Variants in PITPNC1 observed in about 807,000 individuals in gnomAD.
PITPNC1 encodes cytoplasmic phosphatidylinositol transfer protein 1.
Under a neutral mutation model 44.7 loss-of-function variants are expected in PITPNC1, and 18 were observed. The ratio of observed to expected loss-of-function variants is 0.40; its 90% CI spans 0.28 to 0.60. The LOEUF is 0.60. PITPNC1 is among the 20% of genes least tolerant of loss of function. PITPNC1 has a pLI of 0.39. For synonymous variants in PITPNC1, 141 were observed against 149.6 expected (o/e 0.94, Z 0.42); for missense variants, 290 against 418.4 (o/e 0.69, Z 2.68).
chr17:67,628,724 G>A (rs927553884), intron 5 of PITPNC1, among the ~76,000 whole-genome samples: 3 of 152,170 alleles, frequency 2.0e-5, no homozygotes, highest in Admixed American at 6.5e-5. Context: ...CCAGTGCAAG[G>A]CCTGCAGCAC....
intron 1 of PITPNC1, among the ~76,000 whole-genome samples, chr17:67,473,274 G>T (rs931857918): frequency 6.6e-6 from 1 of 151,888 alleles, no homozygotes; most frequent in East Asian, 1.9e-4. Context: ...GGCTCAAGCT[G>T]TCTACCCACC....
chr17:67,620,456 A>G (rs2041815022), intron 5 of PITPNC1, among the ~76,000 whole-genome samples: 1 of 152,192 alleles, frequency 6.6e-6, no homozygotes. Context: ...ACAGCAAGCC[A>G]GTCTCGCGGA....
chr17:67,403,178 T>A (rs2038345976), intron 1 of PITPNC1, among the ~76,000 whole-genome samples: 1 of 125,714 alleles, frequency 8.0e-6, no homozygotes, highest in African/African-American at 3.1e-5. Flanking sequence ...AGTCCAGGAG[T>A]TGGAGACTAG....
At chr17:67,632,019 A>T in intron 5 of PITPNC1, 124 bp from the exon 6 acceptor site, 1 of 626,262 alleles carries the variant, frequency 1.6e-6, no homozygotes, top group Non-Finnish European at 2.9e-6. Context: ...GAGGCTGGTG[A>T]AAGCACTAGC....
At chr17:67,628,699 AGTC>A (rs1292788437) in intron 5 of PITPNC1, among the ~76,000 whole-genome samples, 1 of 152,212 alleles carries the variant, frequency 6.6e-6, no homozygotes, top group African/African-American at 2.4e-5. Flanking sequence ...GTGGAGAGAG[AGTC>A]GGGGCACGCT....
intron 1 of PITPNC1, among the ~76,000 whole-genome samples, chr17:67,415,207 G>T (rs1031200790): frequency 2.0e-5 from 3 of 152,122 alleles, no homozygotes; most frequent in Non-Finnish European, 2.9e-5. Context: ...GATCTGTTAT[G>T]CTGTTTGTTG....
intron 2 of PITPNC1, among the ~76,000 whole-genome samples, chr17:67,552,015 A>G (rs2040770548): frequency 6.6e-6 from 1 of 152,240 alleles, no homozygotes; most frequent in South Asian, 2.1e-4. Flanking sequence ...ACAGGCTGAC[A>G]GTCTGATGGA....
chr17:67,643,455 A>T (rs2042112649), intron 6 of PITPNC1, among the ~76,000 whole-genome samples: 1 of 152,204 alleles, frequency 6.6e-6, no homozygotes, highest in Admixed American at 6.5e-5. Flanking sequence ...GGAACAGACC[A>T]GGGAGGGAAG....
At chr17:67,548,451 C>T (rs193048997) in intron 2 of PITPNC1, among the ~76,000 whole-genome samples, 36 of 152,066 alleles carry the variant, frequency 2.4e-4, no homozygotes, top group Admixed American at 7.2e-4. Context: ...ATAAGCCTGG[C>T]GTGGTGGCAT....
chr17:67,517,094 C>G (rs558016917), intron 1 of PITPNC1, among the ~76,000 whole-genome samples: 3 of 152,206 alleles, frequency 2.0e-5, no homozygotes, highest in Non-Finnish European at 4.4e-5. Flanking sequence ...TTCAGCTCTT[C>G]ATTGTCCTTG....
intron 1 of PITPNC1, among the ~76,000 whole-genome samples, chr17:67,407,858 G>A (rs897455732): frequency 6.6e-6 from 1 of 152,112 alleles, no homozygotes; most frequent in Admixed American, 6.5e-5. Flanking sequence ...GATAGGCAAT[G>A]TGCTGATGTC....
At position 67,682,760 on chromosome 17, in the gene PITPNC1, T is replaced by C. The variant is rs1252084987; in HGVS notation, c.682+7218T>C. ...ATTGCTGGCTTAAGGAGTCTTTATG[T>C]AGGAAACCTTATTTAGGAAGAGTAA... On this transcript the variant is annotated intron_variant, in intron 8 of 8. Coordinates refer to ENST00000581322, the MANE Select transcript of PITPNC1 (RefSeq NM_012417.4). Among the ~76,000 whole-genome samples the C allele has an allele frequency of 2.0e-5, 3 of 152,230 alleles. 1 individual carries two copies. In the East Asian group the frequency reaches 5.8e-4, roughly 29 times the overall value.
intron 4 of PITPNC1, among the ~76,000 whole-genome samples, chr17:67,573,162 G>T (rs1218471472): frequency 6.6e-6 from 1 of 152,188 alleles, no homozygotes; most frequent in Admixed American, 6.5e-5. Context: ...GACCTTTCAA[G>T]TTTGATGAAC....
At chr17:67,425,753 T>C (rs562613090) in intron 1 of PITPNC1, among the ~76,000 whole-genome samples, 24 of 152,220 alleles carry the variant, frequency 1.6e-4, no homozygotes, top group African/African-American at 4.6e-4. Flanking sequence ...GGTCTCAAAC[T>C]CCTAGCCTTA....
intron 1 of PITPNC1, among the ~76,000 whole-genome samples, chr17:67,388,347 T>C (rs1221857246): frequency 7.2e-6 from 1 of 139,770 alleles, no homozygotes; most frequent in Non-Finnish European, 1.5e-5. Context: ...TTTTTTTCCC[T>C]TGGAGTCTTG....
intron 1 of PITPNC1, among the ~76,000 whole-genome samples, chr17:67,451,220 C>T (rs1385733474): frequency 2.6e-5 from 4 of 151,880 alleles, no homozygotes; most frequent in Non-Finnish European, 5.9e-5. Flanking sequence ...TTAGTAGAGA[C>T]GGGGTTTTGC....
chr17:67,477,076 G>T (rs2039640481), intron 1 of PITPNC1, among the ~76,000 whole-genome samples: 1 of 152,030 alleles, frequency 6.6e-6, no homozygotes, highest in Non-Finnish European at 1.5e-5. Flanking sequence ...TGTCTGTGGA[G>T]GATGTCTTAT....
intron 5 of PITPNC1, among the ~76,000 whole-genome samples, chr17:67,599,024 ATATATATATATTTTTTTTT>A (rs1395320128): frequency 5.6e-5 from 2 of 35,850 alleles, no homozygotes; most frequent in Non-Finnish European, 1.0e-4. Flanking sequence ...ATATATATAT[ATATATATATATTTTTTTTT>A]TTTTTTTTTT....
chr17:67,623,279 A>G (rs958001302), intron 5 of PITPNC1, among the ~76,000 whole-genome samples: 3 of 152,154 alleles, frequency 2.0e-5, no homozygotes, highest in Non-Finnish European at 4.4e-5. Context: ...GCTTGTACAG[A>G]TGGCAGGAAG....
Sources: allele counts gnomAD v4.1 joint callset (sites outside exome capture counted in the v4.1 genomes callset), GRCh38; gene constraint gnomAD v4.1.1; transcripts MANE v1.5; gene names NCBI Gene and HGNC (gene_info 2026-07-23, HGNC 2026-07-21).